The following CSF1R variants were observed in gnomAD, a reference collection of about 807,000 sequenced individuals.
The protein encoded by CSF1R is macrophage colony-stimulating factor 1 receptor.
In CSF1R, 40 loss-of-function variants were observed where a neutral mutation model predicts 110.0. That is an observed-to-expected ratio of 0.36 (90% CI 0.28 to 0.47). The LOEUF is 0.47. Among genes scored for constraint, CSF1R ranks in the 20% least tolerant of loss-of-function variants. The pLI is 0.99. For missense variants in CSF1R, 1,052 were observed against 1,253.0 expected (o/e 0.84, Z 2.42); for synonymous variants, 523 against 503.4 (o/e 1.04, Z -0.52).
At chr5:150,073,740 C>T (rs1758132238) in intron 5 of CSF1R, among the ~76,000 whole-genome samples, 1 of 152,204 alleles carries the variant, frequency 6.6e-6, no homozygotes, top group Non-Finnish European at 1.5e-5. Context: ...TTTGTGCCTC[C>T]ATCTCCTTAT....
At chr5:150,094,169 A>G (rs1759137597) in intron 1 of CSF1R, 2 of 592,598 alleles carry the variant, frequency 3.4e-6, no homozygotes, top group Non-Finnish European at 5.8e-6. Flanking sequence ...AGACTTCAGA[A>G]CAAGAAATAT....
chr5:150,102,164 G>A (rs973870960), intron 1 of CSF1R, among the ~76,000 whole-genome samples: 2 of 152,054 alleles, frequency 1.3e-5, no homozygotes, highest in African/African-American at 2.4e-5. Flanking sequence ...AAGTGGGATC[G>A]CCGGGTCAAA....
chr5:150,096,848 C>G (rs868496680), intron 1 of CSF1R, among the ~76,000 whole-genome samples: 49 of 152,310 alleles, frequency 3.2e-4, no homozygotes, highest in Middle Eastern at 3.4e-3. Context: ...TAACATTAAA[C>G]TTAGTGGTGA....
At chr5:150,077,640 G>C (rs1758328351) in intron 4 of CSF1R, among the ~76,000 whole-genome samples, 1 of 152,188 alleles carries the variant, frequency 6.6e-6, no homozygotes, top group Non-Finnish European at 1.5e-5. Flanking sequence ...GCTTAGGGCT[G>C]TGTCTGGAAC....
intron 1 of CSF1R, chr5:150,094,300 C>T (rs1057094880): frequency 1.9e-6 from 3 of 1,561,364 alleles, no homozygotes; most frequent in African/African-American, 2.7e-5. Flanking sequence ...CCGGCTGGAA[C>T]CATGGAGGGT....
At chr5:150,068,128 G>A (rs1023517357) in intron 10 of CSF1R, 87 bp downstream of exon 10, 4 of 984,040 alleles carry the variant, frequency 4.1e-6, no homozygotes, top group Non-Finnish European at 6.2e-6. Flanking sequence ...GACTGAGGAG[G>A]AGGAAGGGTG....
At position 150,063,025 on chromosome 5, in the gene CSF1R, A is replaced by AT. The variant is rs112588144; in HGVS notation, c.1627-1177dup. Among the ~76,000 whole-genome samples the AT allele has an allele frequency of 8.7e-3, 1,287 of 147,316 alleles. 36 individuals are homozygous for AT. The highest frequency in any genetic ancestry group is 0.047 in the Admixed American group (689 of 14,766). On this transcript the variant is annotated intron_variant, in intron 10 of 20. Coordinates refer to ENST00000675795, the MANE Select transcript of CSF1R (RefSeq NM_001288705.3). ...TAAGGTGAGTGGGTTCCCTTTTGGGATTTTTTTTTTTCCAAGACAGGATCT... is the reference window on the plus strand; with the variant it reads ...TAAGGTGAGTGGGTTCCCTTTTGGGATTTTTTTTTTTTCCAAGACAGGATCT...
intron 10 of CSF1R, among the ~76,000 whole-genome samples, chr5:150,064,307 C>A (rs1004438164): frequency 1.3e-5 from 2 of 152,160 alleles, no homozygotes; most frequent in Admixed American, 1.3e-4. Context: ...AAAATGTGGA[C>A]ATTTTTAAAG....
At chr5:150,108,867 G>T (rs1056537046) in intron 1 of CSF1R, among the ~76,000 whole-genome samples, 1 of 152,174 alleles carries the variant, frequency 6.6e-6, no homozygotes, top group Non-Finnish European at 1.5e-5. Context: ...AGAACATGTG[G>T]GTGAGGGAAG....
chr5:150,082,850 C>G (rs1275423555), intron 1 of CSF1R, among the ~76,000 whole-genome samples: 1 of 152,240 alleles, frequency 6.6e-6, no homozygotes, highest in Non-Finnish European at 1.5e-5. Context: ...TGCTACATTT[C>G]TAATGTCCCT....
At position 150,057,284 on chromosome 5, in the gene CSF1R, C is replaced by CA; in HGVS notation, c.2319+2dup. The CA allele has an allele frequency of 6.2e-7, 1 of 1,612,548 alleles. No individual in the cohort carries two copies. The highest frequency in any genetic ancestry group is 1.1e-5 in the South Asian group (1 of 90,982). ...TATGAGCCAGGGCCAGGTTCCTACT[C>CA]ACATTCTTGGAAGCGAGGAAGGCCA... On this transcript the variant is annotated splice_region_variant and intron_variant, in intron 16 of 20. Transcript: ENST00000675795.
rs773889293 is a variant in CSF1R, at chr5:150,057,602, A to G, written c.2133-10T>C. The G allele has an allele frequency of 2.5e-6, 4 of 1,611,550 alleles. No individual in the cohort carries two copies. The highest frequency in any genetic ancestry group is 1.3e-5 in the African/African-American group (1 of 74,878). ...GGAGAAGCCACTGTCCCTACATAGG[A>G]GAGAGGGTTGGGGGGCAGAGGTCAC... On this transcript the variant is annotated splice_polypyrimidine_tract_variant and intron_variant, in intron 14 of 20. Transcript: ENST00000675795.
intron 6 of CSF1R, among the ~76,000 whole-genome samples, chr5:150,072,194 G>A (rs1758060605): frequency 6.6e-6 from 1 of 152,174 alleles, no homozygotes; most frequent in Non-Finnish European, 1.5e-5. Context: ...AAAGGGCAGG[G>A]TATGAATGAT....
intron 9 of CSF1R, among the ~76,000 whole-genome samples, chr5:150,068,989 C>G (rs1188986681): frequency 6.6e-6 from 1 of 152,206 alleles, no homozygotes; most frequent in Non-Finnish European, 1.5e-5. Flanking sequence ...CTATTTATTT[C>G]CTAGGTTTGT....
At chr5:150,091,678 A>T (rs1481575719) in intron 1 of CSF1R, among the ~76,000 whole-genome samples, 1 of 152,148 alleles carries the variant, frequency 6.6e-6, no homozygotes, top group South Asian at 2.1e-4. Context: ...TTGGAACTAG[A>T]TAAAGGTGAT....
At chr5:150,057,476 A>G (rs568840375) in intron 15 of CSF1R, 28 bp downstream of exon 15, 1 of 1,613,110 alleles carries the variant, frequency 6.2e-7, no homozygotes, top group African/African-American at 1.3e-5. Context: ...TATCAAGCAA[A>G]TGGGGCCTGG....
rs542688486 is a variant in CSF1R at position 150,111,674 on chromosome 5, A to C, written c.-181+1587T>G. ...TTACCTCCCTGAGTGCTGACTTGGG[A>C]GTCAGTCTGACCTGGGCTCCTCTCC... On this transcript the variant is annotated intron_variant, in intron 1 of 21. Coordinates refer to the CSF1R transcript ENST00000286301. Among the ~76,000 whole-genome samples, 16 of 152,286 alleles carry C rather than the reference A, an allele frequency of 1.1e-4. No homozygotes were observed. The South Asian group carries it at 3.3e-3, about 32-fold the overall frequency.
chr5:150,095,923 T>C (rs1170344917), intron 1 of CSF1R, among the ~76,000 whole-genome samples: 1 of 152,144 alleles, frequency 6.6e-6, no homozygotes, highest in Non-Finnish European at 1.5e-5. Context: ...GACAAATTAT[T>C]TGAAAGGTAC....
chr5:150,054,520 G>T, intron 19 of CSF1R, 90 bp from the exon 20 acceptor site: 1 of 1,081,172 alleles, frequency 9.2e-7, no homozygotes, highest in Non-Finnish European at 1.3e-6. Context: ...ACCCAGCAGA[G>T]GTCCCCAAAC....
Sources: allele counts gnomAD v4.1 joint callset (sites outside exome capture counted in the v4.1 genomes callset), GRCh38; gene constraint gnomAD v4.1.1; transcripts MANE v1.5; gene names NCBI Gene and HGNC (gene_info 2026-07-23, HGNC 2026-07-21).